METTL15: variants seen among roughly 807,000 people sequenced by gnomAD.
METTL15 encodes 12S rRNA N(4)-cytidine methyltransferase METTL15.
METTL15 carries 34 observed loss-of-function variants against 38.3 expected under a neutral mutation model. The observed-to-expected ratio is 0.89, with a 90% CI of 0.68 to 1.18. The LOEUF is 1.18. Ranked by LOEUF, METTL15 falls within the 50% of genes most tolerant of loss-of-function variation. The probability of loss-of-function intolerance (pLI) is 0.00; values close to 1 mark genes in which losing one functional copy is unlikely to be tolerated. For missense variants in METTL15, 438 were observed against 498.4 expected (o/e 0.88, Z 1.15); for synonymous variants, 162 against 170.9 (o/e 0.95, Z 0.41).
chr11:28,207,697 CT>C (rs1256153821), intron 3 of METTL15, among the ~76,000 whole-genome samples: 1 of 152,062 alleles, frequency 6.6e-6, no homozygotes, highest in Non-Finnish European at 1.5e-5. Flanking sequence ...CCAATTCCTC[CT>C]TGTGCCTCTG....
At chr11:28,293,489 T>G (rs887152206) in intron 5 of METTL15, among the ~76,000 whole-genome samples, 5 of 152,232 alleles carry the variant, frequency 3.3e-5, no homozygotes, top group Admixed American at 3.3e-4. Context: ...TCAGGTAGCG[T>G]GATGCCTCCA....
intron 4 of METTL15, among the ~76,000 whole-genome samples, chr11:28,359,266 A>G (rs1850115476): frequency 6.6e-6 from 1 of 152,120 alleles, no homozygotes; most frequent in Non-Finnish European, 1.5e-5. Flanking sequence ...GCATAATGTC[A>G]TTATTTTTAT....
intron 4 of METTL15, among the ~76,000 whole-genome samples, chr11:28,238,348 T>G (rs1013192475): frequency 2.0e-5 from 3 of 152,182 alleles, no homozygotes; most frequent in African/African-American, 7.2e-5. Context: ...CGCCTTGCAG[T>G]TTGATCTCAG....
At chr11:28,358,413 T>C (rs145590522) in intron 4 of METTL15, among the ~76,000 whole-genome samples, 1 of 152,276 alleles carries the variant, frequency 6.6e-6, no homozygotes, top group East Asian at 1.9e-4. Flanking sequence ...GAAAACCAAA[T>C]ACACCACGTT....
chr11:28,253,234 C>G (rs1034954614), intron 4 of METTL15, among the ~76,000 whole-genome samples: 1 of 152,166 alleles, frequency 6.6e-6, no homozygotes, highest in East Asian at 1.9e-4. Context: ...CTTTTCACCT[C>G]CATCCTCCAT....
chr11:28,194,743 C>T (rs1186061565), intron 3 of METTL15, among the ~76,000 whole-genome samples: 1 of 151,666 alleles, frequency 6.6e-6, no homozygotes, highest in East Asian at 1.9e-4. Context: ...TTTTTATCCA[C>T]GTGGATGAAT....
intron 3 of METTL15, among the ~76,000 whole-genome samples, chr11:28,189,881 T>C (rs530174738): frequency 4.6e-5 from 7 of 151,362 alleles, no homozygotes; most frequent in African/African-American, 1.7e-4. Flanking sequence ...TTCATTGTGA[T>C]AGTACTTAGT....
At chr11:28,210,453 G>C (rs1049072515) in intron 3 of METTL15, among the ~76,000 whole-genome samples, 6 of 151,504 alleles carry the variant, frequency 4.0e-5, no homozygotes, top group Admixed American at 1.3e-4. Context: ...GTCAAACCTA[G>C]AGTTTACCCT....
chr11:28,310,797 T>G (rs928038468), intron 6 of METTL15, among the ~76,000 whole-genome samples: 1 of 152,106 alleles, frequency 6.6e-6, no homozygotes, highest in African/African-American at 2.4e-5. Flanking sequence ...TATCTTTGAT[T>G]GTGATATATC....
At chr11:28,237,040 TC>T (rs1854020516) in intron 4 of METTL15, among the ~76,000 whole-genome samples, 1 of 152,194 alleles carries the variant, frequency 6.6e-6, no homozygotes, top group African/African-American at 2.4e-5. Context: ...TATAATTTTT[TC>T]CTTCATTTCA....
chr11:28,353,242 T>C (rs1159585425), intron 4 of METTL15, among the ~76,000 whole-genome samples: 1 of 152,158 alleles, frequency 6.6e-6, no homozygotes, highest in Non-Finnish European at 1.5e-5. Context: ...GCTCAAAAAG[T>C]TGACCCTAAG....
chr11:28,127,861 G>A (rs1852562086), intron 3 of METTL15, among the ~76,000 whole-genome samples: 1 of 152,062 alleles, frequency 6.6e-6, no homozygotes, highest in South Asian at 2.1e-4. Context: ...AAGTTTGCCA[G>A]CTTAGTAACC....
At chr11:28,523,698 G>A (rs1013595869) in intron 6 of METTL15, among the ~76,000 whole-genome samples, 2 of 152,172 alleles carry the variant, frequency 1.3e-5, no homozygotes, top group African/African-American at 4.8e-5. Flanking sequence ...TGACCTATCA[G>A]TAATAAGTTA....
intron 6 of METTL15, among the ~76,000 whole-genome samples, chr11:28,440,506 G>A (rs1851025120): frequency 6.6e-6 from 1 of 152,142 alleles, no homozygotes; most frequent in South Asian, 2.1e-4. Flanking sequence ...AAAAGCCTGG[G>A]TAACTTTCTC....
At chr11:28,130,995 CA>C (rs1852749371) in intron 3 of METTL15, among the ~76,000 whole-genome samples, 1 of 152,098 alleles carries the variant, frequency 6.6e-6, no homozygotes, top group African/African-American at 2.4e-5. Flanking sequence ...TATTTTGTAG[CA>C]TGTGCTGTGC....
chr11:28,365,992 G>A (rs1850182151), intron 5 of METTL15, among the ~76,000 whole-genome samples: 1 of 152,186 alleles, frequency 6.6e-6, no homozygotes, highest in Non-Finnish European at 1.5e-5. Context: ...GGAGCTTGCA[G>A]TGAGCTGAGA....
intron 6 of METTL15, among the ~76,000 whole-genome samples, chr11:28,455,192 T>C (rs902390832): frequency 3.5e-5 from 5 of 142,848 alleles, no homozygotes; most frequent in Non-Finnish European, 7.6e-5. Flanking sequence ...TATATATAAC[T>C]CAATAACACA....
chr11:28,172,540 A>G (rs1326997406), intron 3 of METTL15, among the ~76,000 whole-genome samples: 2 of 152,088 alleles, frequency 1.3e-5, no homozygotes, highest in African/African-American at 2.4e-5. Context: ...TATTGTTCCT[A>G]ATAGCTTCCA....
chr11:28,378,026 G>C (rs990445249), intron 5 of METTL15, among the ~76,000 whole-genome samples: 2 of 152,090 alleles, frequency 1.3e-5, no homozygotes, highest in Non-Finnish European at 2.9e-5. Flanking sequence ...CAGATCTCCA[G>C]CTGCGTACTG....
Sources: allele counts gnomAD v4.1 joint callset (sites outside exome capture counted in the v4.1 genomes callset), GRCh38; gene constraint gnomAD v4.1.1; transcripts MANE v1.5; gene names NCBI Gene and HGNC (gene_info 2026-07-23, HGNC 2026-07-21).